Variants in EYS observed in about 807,000 individuals in gnomAD.
EYS encodes the protein protein eyes shut homolog.
Under a neutral mutation model 282.1 loss-of-function variants are expected in EYS, and 250 were observed. That is an observed-to-expected ratio of 0.89 (90% confidence interval 0.80 to 0.98). EYS has a LOEUF of 0.98. EYS is among the 50% of genes least tolerant of loss of function. The probability of loss-of-function intolerance (pLI) is 0.00; values close to 1 mark genes in which losing one functional copy is unlikely to be tolerated. For synonymous variants in EYS, 1,355 were observed against 1,282.9 expected, an observed-to-expected ratio of 1.06 and a Z score of -1.20; for missense variants, 4,016 against 3,709.0, an observed-to-expected ratio of 1.08 and a Z score of -2.15.
chr6:64,554,889 T>G (rs1301550896), intron 26 of EYS, among the ~76,000 whole-genome samples: 1 of 151,970 alleles, frequency 6.6e-6, no homozygotes, highest in East Asian at 1.9e-4. Flanking sequence ...TTGGAGAGAA[T>G]GTGGAGAACA....
chr6:64,248,736 T>G (rs1197284755), intron 30 of EYS, among the ~76,000 whole-genome samples: 1 of 152,128 alleles, frequency 6.6e-6, no homozygotes, highest in African/African-American at 2.4e-5. Flanking sequence ...ACTGGGTATA[T>G]GTCCAAAGAA....
chr6:65,521,438 G>C (rs1433640368), intron 2 of EYS, among the ~76,000 whole-genome samples: 1 of 152,026 alleles, frequency 6.6e-6, no homozygotes, highest in Non-Finnish European at 1.5e-5. Flanking sequence ...AAATACTTTT[G>C]AGAACTCAGA....
chr6:64,273,293 A>G (rs955424157), intron 30 of EYS, among the ~76,000 whole-genome samples: 2 of 152,172 alleles, frequency 1.3e-5, no homozygotes, highest in South Asian at 4.1e-4. Flanking sequence ...TTAAGTTTTA[A>G]TTTAAGTTTA....
At chr6:64,329,054 T>C (rs1770535493) in intron 29 of EYS, among the ~76,000 whole-genome samples, 1 of 152,058 alleles carries the variant, frequency 6.6e-6, no homozygotes, top group African/African-American at 2.4e-5. Flanking sequence ...CAGGAATCAA[T>C]TATTATTATG....
intron 12 of EYS, among the ~76,000 whole-genome samples, chr6:65,189,111 G>A (rs939539672): frequency 4.0e-5 from 6 of 151,374 alleles, no homozygotes; most frequent in Non-Finnish European, 7.4e-5. Context: ...AAGCAATATA[G>A]CATGTGCTTA....
chr6:64,591,743 G>T lies in EYS; in HGVS notation c.4124C>A (p.Thr1375Asn), dbSNP rs755222324. The part of the protein sequence containing the change: ...KTSVSHMPIR[T>N]SAATLGFFFP... ...AAAGAAACCTAGTGTGGCTGCTGAA[G>T]TTCGAATAGGCATATGTGATACCGA... The change falls in exon 26 of 43, where the codon ACT (threonine) becomes AAT (asparagine). Residue 1375 changes from threonine (T) to asparagine (N), a missense_variant. Transcript: ENST00000503581. The T allele has an allele frequency of 5.2e-6, 8 of 1,551,370 alleles. No individual in the cohort carries two copies. The highest frequency in any genetic ancestry group is 6.1e-6 in the Non-Finnish European group (7 of 1,146,778).
chr6:64,008,651 G>A (rs191486505), intron 33 of EYS, among the ~76,000 whole-genome samples: 1 of 152,260 alleles, frequency 6.6e-6, no homozygotes, highest in African/African-American at 2.4e-5. Flanking sequence ...TTCTTGCAAT[G>A]CATGTCTGGT....
intron 22 of EYS, among the ~76,000 whole-genome samples, chr6:64,796,613 G>C (rs1218441731): frequency 6.6e-6 from 1 of 152,068 alleles, no homozygotes; most frequent in Non-Finnish European, 1.5e-5. Flanking sequence ...GAACTACAGG[G>C]AGAAATATCA....
chr6:63,790,622 G>A (rs1249184091), intron 37 of EYS, among the ~76,000 whole-genome samples: 2 of 152,206 alleles, frequency 1.3e-5, no homozygotes, highest in Non-Finnish European at 2.9e-5. Context: ...ATTTAAAACG[G>A]AAAGTTCAAT....
chr6:64,933,438 C>A (rs977579113), intron 15 of EYS, among the ~76,000 whole-genome samples: 18 of 152,154 alleles, frequency 1.2e-4, no homozygotes, highest in East Asian at 3.9e-4. Flanking sequence ...AATGAGATAC[C>A]ATTTCACGCC....
At chr6:64,342,217 A>G (rs190961114) in intron 29 of EYS, among the ~76,000 whole-genome samples, 28 of 151,750 alleles carry the variant, frequency 1.8e-4, no homozygotes, top group African/African-American at 6.0e-4. Context: ...TAAAATGTCT[A>G]TTCCAATGTT....
chr6:64,778,781 G>A (rs1036108975), intron 22 of EYS, among the ~76,000 whole-genome samples: 2 of 152,090 alleles, frequency 1.3e-5, no homozygotes, highest in Non-Finnish European at 2.9e-5. Context: ...ATAAGCATAT[G>A]TAGCTATCCA....
At chr6:64,827,685 TA>T (rs1377042749) in intron 19 of EYS, among the ~76,000 whole-genome samples, 3 of 151,838 alleles carry the variant, frequency 2.0e-5, no homozygotes, top group Admixed American at 1.3e-4. Context: ...ATTACAAAAT[TA>T]AAAAAGTCAT....
chr6:65,491,133 A>G (rs762853053), intron 4 of EYS, among the ~76,000 whole-genome samples: 1 of 152,090 alleles, frequency 6.6e-6, no homozygotes, highest in Non-Finnish European at 1.5e-5. Flanking sequence ...GAACAATTCA[A>G]AAGCAGAAAT....
chr6:64,585,785 C>T (rs1284715153), intron 26 of EYS, among the ~76,000 whole-genome samples: 1 of 152,046 alleles, frequency 6.6e-6, no homozygotes, highest in African/African-American at 2.4e-5. Flanking sequence ...TTCTATTCAA[C>T]ACTTTCTTGG....
intron 29 of EYS, among the ~76,000 whole-genome samples, chr6:64,355,014 T>C (rs1223871402): frequency 1.3e-5 from 2 of 151,612 alleles, no homozygotes. Context: ...TATTAATCTT[T>C]ACTTCATATG....
At chr6:64,503,321 GA>G (rs923770659) in intron 26 of EYS, among the ~76,000 whole-genome samples, 59 of 150,788 alleles carry the variant, frequency 3.9e-4, no homozygotes, top group Admixed American at 1.6e-3. Flanking sequence ...TGATTTGAAG[GA>G]AAAAAAAATC....
intron 28 of EYS, among the ~76,000 whole-genome samples, chr6:64,432,582 T>G (rs1774607246): frequency 6.6e-6 from 1 of 151,162 alleles, no homozygotes. Context: ...GCAATGATTA[T>G]AAGTAGTATA....
At chr6:65,563,283 CA>C (rs1562261124) in intron 2 of EYS, among the ~76,000 whole-genome samples, 1 of 151,820 alleles carries the variant, frequency 6.6e-6, no homozygotes, top group Non-Finnish European at 1.5e-5. Flanking sequence ...ATACAAGTTG[CA>C]AAATTAAATC....
Sources: allele counts gnomAD v4.1 joint callset (sites outside exome capture counted in the v4.1 genomes callset), GRCh38; gene constraint gnomAD v4.1.1; transcripts MANE v1.5; gene names NCBI Gene and HGNC (gene_info 2026-07-23, HGNC 2026-07-21).